SH3KBP1: variants seen among roughly 807,000 people sequenced by gnomAD.
The protein encoded by SH3KBP1 is SH3 domain containing kinase binding protein 1.
Under a neutral mutation model 50.1 loss-of-function variants are expected in SH3KBP1, and 8 were observed. That is an observed-to-expected ratio of 0.16 (90% CI 0.09 to 0.29). The LOEUF (loss-of-function observed/expected upper bound fraction) is 0.29, where lower values mean the gene tolerates loss of function less well. Among genes scored for constraint, SH3KBP1 ranks in the 10% least tolerant of loss-of-function variants. The probability of loss-of-function intolerance (pLI) is 1.00; values close to 1 mark genes in which losing one functional copy is unlikely to be tolerated. For missense variants in SH3KBP1, 377 were observed against 535.2 expected, an observed-to-expected ratio of 0.70 and a Z score of 2.92; for synonymous variants, 227 against 218.6, an observed-to-expected ratio of 1.04 and a Z score of -0.34.
intron 1 of SH3KBP1, among the ~76,000 whole-genome samples, chrX:19,849,515 C>T (rs1161037850): frequency 2.8e-5 from 3 of 108,941 alleles, no homozygotes; most frequent in Non-Finnish European, 1.9e-5. Context: ...ATGGTAAAAC[C>T]CCGTCTCCGC....
chrX:19,807,973 T>C (rs1362044472), intron 2 of SH3KBP1, among the ~76,000 whole-genome samples: 1 of 111,991 alleles, frequency 8.9e-6, no homozygotes, highest in African/African-American at 3.3e-5. Flanking sequence ...TGAGCTGCGT[T>C]GAGGTTTGTT....
At chrX:19,732,846 C>T (rs1010089548) in intron 3 of SH3KBP1, among the ~76,000 whole-genome samples, 1 of 111,496 alleles carries the variant, frequency 9.0e-6, no homozygotes, top group African/African-American at 3.3e-5. Flanking sequence ...AATTCCTCTA[C>T]GTACCAGCAA....
At chrX:19,618,405 A>C (rs929890195) in intron 8 of SH3KBP1, among the ~76,000 whole-genome samples, 2 of 107,532 alleles carry the variant, frequency 1.9e-5, no homozygotes, top group East Asian at 5.8e-4. Context: ...AAAAAAAAAA[A>C]AAAAACAGTT....
intron 3 of SH3KBP1, among the ~76,000 whole-genome samples, chrX:19,740,337 G>A (rs758872552): frequency 1.3e-4 from 14 of 111,783 alleles, no homozygotes; most frequent in South Asian, 3.7e-4. Context: ...CTATAGATGC[G>A]TATACAGATA....
In SH3KBP1 at chrX:19,661,400, G is replaced by A. The variant is rs185392646; in HGVS notation, c.727-15925C>T. Among the ~76,000 whole-genome samples, 219 of 111,267 alleles carry A rather than the reference G, an allele frequency of 2.0e-3. 1 individual carries two copies. Among genetic ancestry groups the A allele is most frequent in the African/African-American group, 6.8e-3 (208 of 30,589 alleles). ...ATTCTATATAATGCGAAGTGGAAAA[G>A]ATACAAAGTTATGTGTGTGGAAAAA... On this transcript the variant is annotated intron_variant, in intron 6 of 17. Coordinates refer to ENST00000397821, the MANE Select transcript of SH3KBP1 (RefSeq NM_031892.3).
intron 14 of SH3KBP1, among the ~76,000 whole-genome samples, 160 bp from the exon 15 acceptor site, chrX:19,546,210 C>T (rs1284911046): frequency 2.7e-5 from 3 of 112,475 alleles, no homozygotes; most frequent in Non-Finnish European, 5.6e-5. Flanking sequence ...TGCACGCGCT[C>T]AAGTCACATA....
chrX:19,881,754 A>G (rs1156636867), intron 1 of SH3KBP1, among the ~76,000 whole-genome samples: 1 of 111,877 alleles, frequency 8.9e-6, no homozygotes, highest in Non-Finnish European at 1.9e-5. Context: ...GGGACCAGAG[A>G]TGACAGCATT....
rs189653439 is a variant in SH3KBP1 at position 19,739,981 on chromosome X, C to T, written c.286+6337G>A. Among the ~76,000 whole-genome samples the T allele has an allele frequency of 1.8e-3, 197 of 110,405 alleles. 1 individual carries two copies. The highest frequency in any genetic ancestry group is 5.7e-3 in the African/African-American group (172 of 30,252). ...ATGGGAGACTCATTAGTGTTAATGC[C>T]TTGAAATCAGAAGACACAGAGATAG... On this transcript the variant is annotated intron_variant, in intron 3 of 17. Transcript: ENST00000397821.
intron 4 of SH3KBP1, among the ~76,000 whole-genome samples, chrX:19,703,639 A>C (rs999685147): frequency 1.8e-5 from 2 of 109,939 alleles, no homozygotes; most frequent in African/African-American, 6.6e-5. Flanking sequence ...TTTCAAAAAA[A>C]CTAGTCCATA....
chrX:19,835,430 T>C (rs1298011579), intron 2 of SH3KBP1, among the ~76,000 whole-genome samples: 1 of 111,490 alleles, frequency 9.0e-6, no homozygotes, highest in Non-Finnish European at 1.9e-5. Context: ...TGAGCCACCA[T>C]GTCTGGCTGA....
chrX:19,883,842 A>G (rs766124300), intron 1 of SH3KBP1, among the ~76,000 whole-genome samples: 10 of 111,498 alleles, frequency 9.0e-5, no homozygotes, highest in Admixed American at 1.9e-4. Flanking sequence ...CCTGCCTCCA[A>G]TGTTCCCTGC....
chrX:19,857,383 G>A (rs895808545), intron 1 of SH3KBP1, among the ~76,000 whole-genome samples: 4 of 110,603 alleles, frequency 3.6e-5, no homozygotes, highest in African/African-American at 1.3e-4. Context: ...AGGGGAATGG[G>A]AACTTGAGAT....
chrX:19,755,619 G>A (rs887500834), intron 2 of SH3KBP1, among the ~76,000 whole-genome samples: 5 of 111,170 alleles, frequency 4.5e-5, no homozygotes, highest in Non-Finnish European at 9.4e-5. Flanking sequence ...CTGCATTCAC[G>A]ATGAGAGAAG....
chrX:19,615,387 C>A (rs2067577355), intron 8 of SH3KBP1, among the ~76,000 whole-genome samples: 1 of 112,437 alleles, frequency 8.9e-6, no homozygotes, highest in Non-Finnish European at 1.9e-5. Context: ...TCTTCATGAC[C>A]TTCCCTGATA....
At chrX:19,579,872 C>G (rs1238852476) in intron 12 of SH3KBP1, among the ~76,000 whole-genome samples, 1 of 111,670 alleles carries the variant, frequency 9.0e-6, no homozygotes, top group Non-Finnish European at 1.9e-5. Context: ...AGGATGTTCA[C>G]TTTTCCACTC....
intron 2 of SH3KBP1, chrX:19,799,503 C>G: frequency 1.6e-6 from 1 of 624,138 alleles, no homozygotes; most frequent in Non-Finnish European, 2.6e-6. Flanking sequence ...GTGTTGGTCA[C>G]CATCTTGGAA....
At chrX:19,785,693 C>T (rs1460697824) in intron 2 of SH3KBP1, among the ~76,000 whole-genome samples, 1 of 111,902 alleles carries the variant, frequency 8.9e-6, no homozygotes, top group Admixed American at 9.5e-5. Context: ...CTATCAATGA[C>T]TGAATGGAAA....
chrX:19,591,160 T>C (rs2066738813), intron 11 of SH3KBP1, among the ~76,000 whole-genome samples: 1 of 110,657 alleles, frequency 9.0e-6, no homozygotes, highest in Non-Finnish European at 1.9e-5. Context: ...TGATATCAAA[T>C]ATCAAATTTC....
chrX:19,553,582 G>A (rs986807099), intron 13 of SH3KBP1, among the ~76,000 whole-genome samples: 1 of 108,864 alleles, frequency 9.2e-6, no homozygotes, highest in African/African-American at 3.3e-5. Context: ...GTAGCTTATA[G>A]AAGTGGCTCC....
Sources: allele counts gnomAD v4.1 joint callset (sites outside exome capture counted in the v4.1 genomes callset), GRCh38; gene constraint gnomAD v4.1.1; transcripts MANE v1.5; gene names NCBI Gene and HGNC (gene_info 2026-07-23, HGNC 2026-07-21).